The following RAB30 variants were observed in gnomAD, a reference collection of about 807,000 sequenced individuals.
RAB30 encodes RAB30, member RAS oncogene family, also known as ras-related protein Rab-30.
Under a neutral mutation model 25.1 loss-of-function variants are expected in RAB30, and 9 were observed. The observed-to-expected ratio is 0.36, with a 90% CI of 0.22 to 0.63. RAB30 has a LOEUF of 0.63. Ranked by LOEUF, RAB30 falls within the 20% of genes least tolerant of loss-of-function variation. RAB30 has a pLI of 0.69. For missense variants in RAB30, 140 were observed against 243.5 expected, an observed-to-expected ratio of 0.58 and a Z score of 2.83; for synonymous variants, 77 against 86.4, an observed-to-expected ratio of 0.89 and a Z score of 0.60.
At chr11:83,049,831 A>G (rs1029519187) in intron 1 of RAB30, among the ~76,000 whole-genome samples, 18 of 152,182 alleles carry the variant, frequency 1.2e-4, no homozygotes, top group African/African-American at 4.1e-4. Context: ...TCAATTATCC[A>G]AAGAGACTAT....
At chr11:83,037,820 G>A (rs986767081) in intron 1 of RAB30, among the ~76,000 whole-genome samples, 1 of 152,178 alleles carries the variant, frequency 6.6e-6, no homozygotes, top group African/African-American at 2.4e-5. Context: ...TAAAGTGTTT[G>A]GGGGTTATGA....
At chr11:82,982,973 A>G (rs1278667) in intron 4 of RAB30, among the ~76,000 whole-genome samples, 1 of 152,184 alleles carries the variant, frequency 6.6e-6, no homozygotes, top group African/African-American at 2.4e-5. Flanking sequence ...ACATCCACCC[A>G]ATGGAGTATT....
intron 1 of RAB30, 179 bp from the exon 2 acceptor site, chr11:82,997,503 C>T: frequency 1.8e-6 from 1 of 567,986 alleles, no homozygotes; most frequent in Non-Finnish European, 3.2e-6. Flanking sequence ...CACAGACGGA[C>T]TTTATTCCTT....
chr11:83,052,985 G>A (rs906212214), intron 1 of RAB30, among the ~76,000 whole-genome samples: 1 of 152,126 alleles, frequency 6.6e-6, no homozygotes, highest in African/African-American at 2.4e-5. Flanking sequence ...CTGTGACTTG[G>A]TGATCTACCA....
chr11:83,006,189 T>G (rs907817169), intron 1 of RAB30, among the ~76,000 whole-genome samples: 2 of 152,146 alleles, frequency 1.3e-5, no homozygotes, highest in Non-Finnish European at 2.9e-5. Context: ...AAAAACGCTA[T>G]TACAAACCCT....
intron 1 of RAB30, among the ~76,000 whole-genome samples, chr11:83,052,218 A>T (rs1858372849): frequency 6.6e-6 from 1 of 152,212 alleles, no homozygotes; most frequent in African/African-American, 2.4e-5. Context: ...AAGCCCATTT[A>T]TACTATATAT....
intron 1 of RAB30, among the ~76,000 whole-genome samples, chr11:83,044,757 C>T (rs1441844518): frequency 1.3e-5 from 2 of 152,142 alleles, no homozygotes; most frequent in Non-Finnish European, 2.9e-5. Flanking sequence ...AAGCCAAATC[C>T]ACCCCTCATT....
At chr11:82,991,462 G>GC (rs969653598) in intron 3 of RAB30, among the ~76,000 whole-genome samples, 1 of 133,772 alleles carries the variant, frequency 7.5e-6, no homozygotes, top group African/African-American at 2.8e-5. Context: ...AGCTGTGATT[G>GC]CACCACTGCA....
intron 2 of RAB30, among the ~76,000 whole-genome samples, chr11:82,994,356 GAGAC>G (rs1347144206): frequency 6.6e-6 from 1 of 152,112 alleles, no homozygotes; most frequent in Non-Finnish European, 1.5e-5. Context: ...GAAGAGGAAA[GAGAC>G]AGGAGGACAG....
At chr11:83,048,268 C>T (rs140174820) in intron 1 of RAB30, among the ~76,000 whole-genome samples, 96 of 152,126 alleles carry the variant, frequency 6.3e-4, no homozygotes, top group African/African-American at 2.2e-3. Context: ...TCGCTGAAGA[C>T]CAGGAGTTCG....
In RAB30 at chr11:83,014,634, AAAAGAAAGAAAGAAAGAAAGAAAG is replaced by A. The variant is rs58927757; in HGVS notation, c.-8-17334_-8-17311del. 1.1e-3 allele frequency among the ~76,000 whole-genome samples: 120 copies of A among 112,706 alleles called. 3 individuals are homozygous for A. Among genetic ancestry groups the A allele is most frequent in the African/African-American group, 2.8e-3 (81 of 29,160 alleles). 73.9% of individuals were successfully genotyped at this position (112,706 alleles called of 152,430 possible). Reference sequence around the variant, plus strand: ...GAGACAAAGAAAGAAAGAAGTAAGAAAAAGAAAGAAAGAAAGAAAGAAAGAAAGAAAGAAAGAAAGAAAGAAAGA... The same window carrying A: ...GAGACAAAGAAAGAAAGAAGTAAGAAAAAGAAAGAAAGAAAGAAAGAAAGA... On this transcript the variant is annotated intron_variant, in intron 1 of 4. Coordinates refer to ENST00000527633, the MANE Select transcript of RAB30 (RefSeq NM_001286060.2).
At chr11:83,006,493 A>G (rs1026694120) in intron 1 of RAB30, among the ~76,000 whole-genome samples, 1 of 152,184 alleles carries the variant, frequency 6.6e-6, no homozygotes, top group African/African-American at 2.4e-5. Context: ...TAGGCACAAG[A>G]TATTTTTGGA....
intron 1 of RAB30, among the ~76,000 whole-genome samples, chr11:83,013,700 A>G (rs1454988782): frequency 1.3e-5 from 2 of 152,234 alleles, no homozygotes; most frequent in Non-Finnish European, 2.9e-5. Context: ...GCTACAATGC[A>G]GTGTCTCTGT....
intron 1 of RAB30, among the ~76,000 whole-genome samples, chr11:83,056,047 A>T (rs1858452904): frequency 6.6e-6 from 1 of 152,208 alleles, no homozygotes; most frequent in Non-Finnish European, 1.5e-5. Flanking sequence ...ATAACATAAA[A>T]TTTACCATCT....
chr11:83,002,867 T>C (rs1009100705), intron 1 of RAB30, among the ~76,000 whole-genome samples: 1 of 152,198 alleles, frequency 6.6e-6, no homozygotes, highest in South Asian at 2.1e-4. Flanking sequence ...CTCTTTCCCT[T>C]TGGGGCTCAA....
At chr11:82,994,554 G>A (rs936963945) in intron 2 of RAB30, among the ~76,000 whole-genome samples, 1 of 152,160 alleles carries the variant, frequency 6.6e-6, no homozygotes, top group Non-Finnish European at 1.5e-5. Flanking sequence ...ATAAAATCAA[G>A]GATACTTAAA....
intron 1 of RAB30, among the ~76,000 whole-genome samples, chr11:83,008,114 A>G (rs11233410): frequency 0.035 from 5,351 of 152,160 alleles, 331 homozygotes; most frequent in African/African-American, 0.12. Context: ...CCTTCTTATC[A>G]GCTTATTCAG....
At chr11:82,990,039 A>T (rs1344489650) in intron 3 of RAB30, among the ~76,000 whole-genome samples, 1 of 152,184 alleles carries the variant, frequency 6.6e-6, no homozygotes, top group Non-Finnish European at 1.5e-5. Flanking sequence ...AGAATACAAG[A>T]TGTTCTATTA....
intron 1 of RAB30, chr11:83,041,398 C>T (rs1858111830): frequency 5.6e-6 from 1 of 178,852 alleles, no homozygotes; most frequent in African/African-American, 2.4e-5. Flanking sequence ...TCCAAAGGCA[C>T]CTCCACTGTC....
Sources: gnomAD v4.1 joint callset for allele counts (sites outside exome capture counted in the v4.1 genomes callset) on GRCh38, gnomAD v4.1.1 for gene constraint, MANE v1.5 for transcripts, NCBI Gene and HGNC (gene_info 2026-07-23, HGNC 2026-07-21) for gene names.